Variants in SLC22A25 observed in about 807,000 individuals in gnomAD.
The protein encoded by SLC22A25 is MGI:2442751, MGI:2385316, MGI:3042283, MGI:3645714, MGI:3605624, MGI:2442750.
SLC22A25 carries 44 observed loss-of-function variants against 45.9 expected under a neutral mutation model. That is an observed-to-expected ratio of 0.96 (90% CI 0.75 to 1.23). The LOEUF is 1.23. SLC22A25 is among the 50% of genes most tolerant of loss of function. The pLI is 0.00. For missense variants in SLC22A25, 800 were observed against 666.4 expected (o/e 1.20, Z -2.21); for synonymous variants, 283 against 238.6 (o/e 1.19, Z -1.72).
In SLC22A25 at chr11:63,220,511, C is replaced by A. The variant is rs377176605; in HGVS notation, c.507-2776G>T. Among the ~76,000 whole-genome samples, 637 of 152,148 alleles carry A rather than the reference C, an allele frequency of 4.2e-3. 6 individuals are homozygous for A. The highest frequency in any genetic ancestry group is 0.014 in the African/African-American group (575 of 41,490). On this transcript the variant is annotated intron_variant, in intron 5 of 11. Transcript: ENST00000306494. ...TGTGGGTACATAGTAGGTGTGTATA[C>A]TTATGGAGTATATGAGAGATTTTGA...
At chr11:63,223,541 C>T (rs1054953061) in intron 5 of SLC22A25, among the ~76,000 whole-genome samples, 4 of 151,704 alleles carry the variant, frequency 2.6e-5, no homozygotes, top group Admixed American at 6.6e-5. Context: ...TAAAGGTTTG[C>T]CAATTTTGTT....
chr11:63,171,966 A>G (rs748895357), intron 9 of SLC22A25, among the ~76,000 whole-genome samples: 20 of 152,286 alleles, frequency 1.3e-4, no homozygotes, highest in Admixed American at 5.9e-4. Context: ...TACATAGACC[A>G]ATGGAGCGAA....
rs1402532118 is a variant in SLC22A25 at position 63,164,714 on chromosome 11, C to T, written c.1286-80G>A. On this transcript the variant is annotated intron_variant, in intron 10 of 11. Coordinates refer to ENST00000306494, the MANE Select transcript of SLC22A25 (RefSeq NM_199352.6). ...TCTCCCAAGGTAGAAGTGAAAAGGACTGCTTTGGAGGTGTTTCCAGGGGTA... is the reference window on the plus strand; with the variant it reads ...TCTCCCAAGGTAGAAGTGAAAAGGATTGCTTTGGAGGTGTTTCCAGGGGTA... 1.5e-5 allele frequency: 18 copies of T among 1,183,442 alleles called. No homozygotes were observed. In the Admixed American group the frequency reaches 3.0e-4, roughly 20 times the overall value. The allele number at this position is 1,183,442 out of a possible 1,614,324, so 73.3% of individuals were successfully genotyped here.
intron 9 of SLC22A25, among the ~76,000 whole-genome samples, chr11:63,171,383 T>C (rs1590783546): frequency 6.6e-6 from 1 of 151,950 alleles, no homozygotes; most frequent in Admixed American, 6.6e-5. Flanking sequence ...TCTCTGCAGA[T>C]GACATGATTG....
At chr11:63,224,984 A>C (rs1222912751) in intron 5 of SLC22A25, among the ~76,000 whole-genome samples, 1 of 152,168 alleles carries the variant, frequency 6.6e-6, no homozygotes, top group African/African-American at 2.4e-5. Context: ...CTGTAGTCCC[A>C]GCTATTCGGG....
chr11:63,226,328 T>A (rs1000319390), intron 5 of SLC22A25, among the ~76,000 whole-genome samples: 1 of 152,188 alleles, frequency 6.6e-6, no homozygotes, highest in Non-Finnish European at 1.5e-5. Context: ...AGTGTTGTGA[T>A]CTAAGTTTTT....
rs184231921 is a variant in SLC22A25 at position 63,214,740 on chromosome 11, C to T, written c.830+2574G>A. Reference sequence around the variant, plus strand: ...GCTTCCCCCTGCACAGATCTCCCCCCACCCCACGAAATGTTTAAAAGGTAA... The same window carrying T: ...GCTTCCCCCTGCACAGATCTCCCCCTACCCCACGAAATGTTTAAAAGGTAA... On this transcript the variant is annotated intron_variant, in intron 7 of 11. Transcript: ENST00000306494. Among the ~76,000 whole-genome samples the T allele has an allele frequency of 9.9e-5, 15 of 152,132 alleles. No individual in the cohort carries two copies. The East Asian group carries it at 2.7e-3, about 27-fold the overall frequency.
At position 63,163,903 on chromosome 11, in the gene SLC22A25, G is replaced by C; in HGVS notation, c.1565C>G (p.Pro522Arg). Reference protein sequence around the residue: ...VLLLPETRNQPLLDSIQDVEN... With the variant: ...VLLLPETRNQRLLDSIQDVEN... ...CACATCCTGGATGCTGTCAAGAAGA[G>C]GCTGGTTCCTGGTTTCAGGAAGGAG... Residue 522 changes from proline to arginine, a missense_variant, in exon 12 of 12, where the codon CCT (proline) becomes CGT (arginine). By Grantham distance (103) the Pro-to-Arg change is moderately radical (BLOSUM62 -2). Transcript: ENST00000306494. The C allele has an allele frequency of 6.2e-7, 1 of 1,613,918 alleles. No individual in the cohort carries two copies. Among genetic ancestry groups the C allele is most frequent in the Non-Finnish European group, 8.5e-7 (1 of 1,179,916 alleles).
intron 7 of SLC22A25, among the ~76,000 whole-genome samples, chr11:63,192,078 G>C (rs1298597576): frequency 6.6e-6 from 1 of 152,184 alleles, no homozygotes; most frequent in African/African-American, 2.4e-5. Context: ...GTTAAATGCA[G>C]CTAGAAAGAA....
chr11:63,193,401 C>T (rs2088885020), intron 7 of SLC22A25, among the ~76,000 whole-genome samples: 1 of 152,238 alleles, frequency 6.6e-6, no homozygotes, highest in African/African-American at 2.4e-5. Flanking sequence ...CTGACTGACA[C>T]CTCATACAAC....
Position 63,234,195 on chromosome 11 carries a change from T to C in SLC22A25, c.-445+3686A>G, listed in dbSNP as rs146497945. On this transcript the variant is annotated intron_variant, in intron 3 of 11. Transcript: ENST00000306494. ...GAGTTTAGTTCCTGGATATCCTTGT[T>C]AACTTTCTGTCTCATTGATCTGTCT... Among the ~76,000 whole-genome samples the C allele has an allele frequency of 9.4e-3, 1,430 of 152,318 alleles. 2 individuals carry two copies. Among genetic ancestry groups the C allele is most frequent in the Non-Finnish European group, 0.013 (914 of 68,020 alleles).
chr11:63,178,376 C>A (rs988772940), intron 9 of SLC22A25, among the ~76,000 whole-genome samples: 2 of 151,918 alleles, frequency 1.3e-5, no homozygotes, highest in Admixed American at 6.6e-5. Flanking sequence ...CATTTTTAAT[C>A]TTTTCACAAA....
chr11:63,197,951 G>A (rs2089108361), intron 7 of SLC22A25, among the ~76,000 whole-genome samples: 1 of 152,164 alleles, frequency 6.6e-6, no homozygotes, highest in Non-Finnish European at 1.5e-5. Context: ...AGACATTTAT[G>A]CAGCCAAAAA....
intron 7 of SLC22A25, among the ~76,000 whole-genome samples, chr11:63,211,011 G>T (rs1465504512): frequency 6.6e-6 from 1 of 152,078 alleles, no homozygotes; most frequent in Non-Finnish European, 1.5e-5. Flanking sequence ...CTGTCCCAAG[G>T]GCTGAGGAGT....
Position 63,175,825 on chromosome 11 carries a change from G to GTGTATATATA in SLC22A25, c.1070+4834_1070+4835insTATATATACA, listed in dbSNP as rs36011311. ...TCATTTAATAAAGAAAATTGGGTGTGTATATATATATATACACATTTTAAT... is the reference window on the plus strand; with the variant it reads ...TCATTTAATAAAGAAAATTGGGTGTGTGTATATATATATATATATATATACACATTTTAAT... On this transcript the variant is annotated intron_variant, in intron 9 of 11. Coordinates refer to ENST00000306494, the MANE Select transcript of SLC22A25 (RefSeq NM_199352.6). Among the ~76,000 whole-genome samples the GTGTATATATA allele has an allele frequency of 2.0e-3, 308 of 150,330 alleles. 1 individual carries two copies. The highest frequency in any genetic ancestry group is 6.9e-3 in the African/African-American group (282 of 40,848).
chr11:63,230,224 T>A (rs532397953), intron 3 of SLC22A25, among the ~76,000 whole-genome samples, 128 bp from the exon 4 acceptor site: 61 of 152,336 alleles, frequency 4.0e-4, no homozygotes, highest in Admixed American at 1.2e-3. Context: ...TGTTGACTGA[T>A]GTTCTGCTTC....
At chr11:63,192,035 G>T (rs117551387) in intron 7 of SLC22A25, among the ~76,000 whole-genome samples, 6 of 152,086 alleles carry the variant, frequency 3.9e-5, no homozygotes, top group African/African-American at 1.4e-4. Flanking sequence ...TAATATTCAG[G>T]TTCTCCAAGG....
intron 1 of SLC22A25, among the ~76,000 whole-genome samples, chr11:63,241,779 G>A (rs1264310079): frequency 1.3e-5 from 2 of 152,150 alleles, no homozygotes; most frequent in East Asian, 3.9e-4. Context: ...AGACACCCAA[G>A]CACCTGAGGG....
At chr11:63,235,869 C>A (rs1250139603) in intron 3 of SLC22A25, among the ~76,000 whole-genome samples, 1 of 152,216 alleles carries the variant, frequency 6.6e-6, no homozygotes, top group East Asian at 1.9e-4. Context: ...ACAGTCAAGA[C>A]CCTCAGCTGC....
Sources: allele counts gnomAD v4.1 joint callset (sites outside exome capture counted in the v4.1 genomes callset), GRCh38; gene constraint gnomAD v4.1.1; transcripts MANE v1.5; gene names NCBI Gene and HGNC (gene_info 2026-07-23, HGNC 2026-07-21).